Variants in ZMAT4 observed in about 807,000 individuals in gnomAD.
ZMAT4 encodes the protein zinc finger matrin-type protein 4.
In ZMAT4, 17 loss-of-function variants were observed where a neutral mutation model predicts 28.7. That is an observed-to-expected ratio of 0.59 (90% CI 0.41 to 0.89). The LOEUF is 0.89. ZMAT4 is among the 40% of genes least tolerant of loss of function. The pLI is 0.00. For synonymous variants in ZMAT4, 117 were observed against 109.2 expected (o/e 1.07, Z -0.44); for missense variants, 240 against 283.8 (o/e 0.85, Z 1.11).
intron 1 of ZMAT4, among the ~76,000 whole-genome samples, chr8:40,875,147 G>C (rs1261920841): frequency 1.3e-5 from 2 of 152,162 alleles, no homozygotes; most frequent in Non-Finnish European, 2.9e-5. Context: ...TCTATTCCTG[G>C]CCTTCAGAGT....
rs1203644702 is a variant in ZMAT4 at position 40,601,634 on chromosome 8, GAGAA to G, written c.578-20377_578-20374del. Among the ~76,000 whole-genome samples the G allele has an allele frequency of 3.7e-3, 99 of 26,826 alleles. 1 individual carries two copies. The highest frequency in any genetic ancestry group is 8.9e-3 in the African/African-American group (92 of 10,292). 17.6% of individuals were successfully genotyped at this position (26,826 alleles called of 152,430 possible). A position where few individuals can be genotyped will look rare whatever the true frequency, so the allele number is the denominator to read the frequency against. The stretch of plus-strand genomic sequence containing the variant: ...AGAAAGAAAGAAAGAAAGAAAGAAA[GAGAA>G]AGAAAGAAAGAAAGAAAGAAAGAAA... On this transcript the variant is annotated intron_variant, in intron 5 of 6. Transcript: ENST00000297737.
In ZMAT4 at chr8:40,776,461, C is replaced by T. The variant is rs371161200; in HGVS notation, c.103-8731G>A. On this transcript the variant is annotated intron_variant, in intron 2 of 6. Transcript: ENST00000297737. ...ACAATTTTAAATAAAAGTCCTGCAA[C>T]TCAAAAAATTAAATTACCACCAAAG... is the stretch of plus-strand genomic sequence containing the variant. Among the ~76,000 whole-genome samples the T allele has an allele frequency of 4.6e-5, 7 of 152,242 alleles. 1 individual carries two copies. The South Asian group carries it at 8.3e-4, about 18-fold the overall frequency.
At position 40,601,563 on chromosome 8, in the gene ZMAT4, GAAGA is replaced by G. The variant is rs1339134333; in HGVS notation, c.578-20306_578-20303del. The stretch of plus-strand genomic sequence containing the variant: ...GAAGGGGGAGTGAGAAAGAAAGAAA[GAAGA>G]AAGAAAGAAAGAAAGAAAGAAAGAA... On this transcript the variant is annotated intron_variant, in intron 5 of 6. Coordinates refer to ENST00000297737, the MANE Select transcript of ZMAT4 (RefSeq NM_024645.3). Among the ~76,000 whole-genome samples the G allele has an allele frequency of 7.3e-4, 86 of 118,588 alleles. 1 individual carries two copies. Among genetic ancestry groups the G allele is most frequent in the African/African-American group, 2.4e-3 (71 of 30,194 alleles). 77.8% of individuals were successfully genotyped at this position (118,588 alleles called of 152,430 possible).
At chr8:40,840,781 A>C (rs1816672311) in intron 1 of ZMAT4, among the ~76,000 whole-genome samples, 3 of 152,232 alleles carry the variant, frequency 2.0e-5, no homozygotes, top group Admixed American at 6.5e-5. Flanking sequence ...CTAGTGCCGA[A>C]TTCTGGTTCC....
intron 2 of ZMAT4, among the ~76,000 whole-genome samples, chr8:40,819,678 A>G (rs1394135451): frequency 6.6e-6 from 1 of 152,066 alleles, no homozygotes; most frequent in Non-Finnish European, 1.5e-5. Flanking sequence ...GCACAGCAAC[A>G]CAAGGGTTAT....
chr8:40,821,543 T>G (rs531057276), intron 2 of ZMAT4, among the ~76,000 whole-genome samples: 1 of 152,332 alleles, frequency 6.6e-6, no homozygotes, highest in East Asian at 1.9e-4. Context: ...TTTGGTTGGT[T>G]AGACATATAT....
chr8:40,658,386 T>C (rs1359926312), intron 5 of ZMAT4, among the ~76,000 whole-genome samples: 1 of 152,134 alleles, frequency 6.6e-6, no homozygotes, highest in Non-Finnish European at 1.5e-5. Context: ...AACATCGATT[T>C]TGAAAGCCGG....
chr8:40,732,408 A>G (rs759378167), intron 3 of ZMAT4, among the ~76,000 whole-genome samples: 13 of 152,202 alleles, frequency 8.5e-5, no homozygotes, highest in Non-Finnish European at 1.6e-4. Flanking sequence ...TGGAGCCAGC[A>G]CAATGAGGTG....
intron 5 of ZMAT4, among the ~76,000 whole-genome samples, chr8:40,625,771 A>T (rs774566830): frequency 1.3e-5 from 2 of 152,090 alleles, no homozygotes; most frequent in Non-Finnish European, 2.9e-5. Flanking sequence ...CATTTAAGGG[A>T]GAGGTTGGAG....
chr8:40,579,296 C>G (rs1196870301), intron 6 of ZMAT4, among the ~76,000 whole-genome samples: 2 of 152,058 alleles, frequency 1.3e-5, no homozygotes, highest in Admixed American at 1.3e-4. Context: ...AAAAAGTTAT[C>G]TTTTATTGTT....
intron 3 of ZMAT4, among the ~76,000 whole-genome samples, chr8:40,743,867 A>G (rs1799501284): frequency 6.6e-6 from 1 of 152,170 alleles, no homozygotes; most frequent in South Asian, 2.1e-4. Flanking sequence ...GGAGCCACAG[A>G]TCACGGTGGC....
At chr8:40,859,490 C>T (rs1257625337) in intron 1 of ZMAT4, among the ~76,000 whole-genome samples, 1 of 151,964 alleles carries the variant, frequency 6.6e-6, no homozygotes, top group African/African-American at 2.4e-5. Flanking sequence ...ACACACACAC[C>T]CCTTAAGGAT....
At chr8:40,619,229 C>T (rs183033027) in intron 5 of ZMAT4, among the ~76,000 whole-genome samples, 13 of 152,286 alleles carry the variant, frequency 8.5e-5, no homozygotes, top group African/African-American at 2.9e-4. Context: ...ATTGAGTCCA[C>T]GTGCACTAAA....
intron 5 of ZMAT4, among the ~76,000 whole-genome samples, chr8:40,596,568 A>G (rs558617849): frequency 6.6e-6 from 1 of 152,332 alleles, no homozygotes; most frequent in Admixed American, 6.5e-5. Flanking sequence ...TGAGGTCAGG[A>G]TCATCAGGAC....
At chr8:40,687,902 C>T (rs567972006) in intron 4 of ZMAT4, among the ~76,000 whole-genome samples, 48 of 152,298 alleles carry the variant, frequency 3.2e-4, no homozygotes, top group Admixed American at 1.2e-3. Context: ...AGGCCTTCAA[C>T]CCATCTCCTG....
intron 5 of ZMAT4, among the ~76,000 whole-genome samples, chr8:40,635,406 G>A (rs1225074455): frequency 6.6e-6 from 1 of 151,944 alleles, no homozygotes; most frequent in Non-Finnish European, 1.5e-5. Flanking sequence ...ACCACACACA[G>A]ACATACACTC....
chr8:40,532,904 G>A (rs1179094170), intron 6 of ZMAT4, among the ~76,000 whole-genome samples: 3 of 151,174 alleles, frequency 2.0e-5, no homozygotes, highest in African/African-American at 7.3e-5. Flanking sequence ...TGAAGCAGGA[G>A]AATCGCTTGA....
At chr8:40,869,297 G>C (rs1034734409) in intron 1 of ZMAT4, among the ~76,000 whole-genome samples, 2 of 141,510 alleles carry the variant, frequency 1.4e-5, no homozygotes, top group African/African-American at 4.9e-5. Context: ...TATTAGTTGA[G>C]ATCCCCAGTG....
At chr8:40,845,096 C>T (rs542090741) in intron 1 of ZMAT4, among the ~76,000 whole-genome samples, 15 of 152,262 alleles carry the variant, frequency 9.9e-5, no homozygotes, top group South Asian at 6.2e-4. Context: ...AGGTGCCGAG[C>T]GAGTCTCTGG....
Sources: gnomAD v4.1 joint callset for allele counts (sites outside exome capture counted in the v4.1 genomes callset) on GRCh38, gnomAD v4.1.1 for gene constraint, MANE v1.5 for transcripts, NCBI Gene and HGNC (gene_info 2026-07-23, HGNC 2026-07-21) for gene names.